Variants in FAM219B observed in about 807,000 individuals in gnomAD.
FAM219B encodes the protein family with sequence similarity 219 member B.
FAM219B carries 18 observed loss-of-function variants against 19.9 expected under a neutral mutation model. The ratio of observed to expected loss-of-function variants is 0.91; its 90% CI spans 0.63 to 1.34. The LOEUF (loss-of-function observed/expected upper bound fraction) is 1.34, where lower values mean the gene tolerates loss of function less well. Ranked by LOEUF, FAM219B falls within the 40% of genes most tolerant of loss-of-function variation. The pLI, the probability that FAM219B is intolerant of heterozygous loss-of-function variation, is 0.00. For synonymous variants in FAM219B, 123 were observed against 117.5 expected, an observed-to-expected ratio of 1.05 and a Z score of -0.30; for missense variants, 283 against 270.5, an observed-to-expected ratio of 1.05 and a Z score of -0.32.
In FAM219B at chr15:74,902,895, C is replaced by T. The variant is rs574359015; in HGVS notation, c.430-109G>A. 1.0e-5 allele frequency: 13 copies of T among 1,264,776 alleles called. No individual in the cohort carries two copies. The East Asian group carries it at 2.9e-4, about 28-fold the overall frequency. The allele number at this position is 1,264,776 out of a possible 1,614,324, so 78.3% of individuals were successfully genotyped here. On this transcript the variant is annotated intron_variant, in intron 4 of 4. Transcript: ENST00000357635. ...ACCAGGGCTTCCTGTCCATGTCCCA[C>T]CCCAGGCCAACCCCACACATCCCTG... is the stretch of plus-strand genomic sequence containing the variant.
At chr15:74,905,558 G>T in intron 2 of FAM219B, 1 of 267,488 alleles carries the variant, frequency 3.7e-6, no homozygotes. Flanking sequence ...TGAGTAGCTG[G>T]GACTACAGGC....
At position 74,905,199 on chromosome 15, in the gene FAM219B, A is replaced by C. The variant is rs774171213; in HGVS notation, c.335T>G (p.Leu112Arg). The change falls in exon 3 of 5, where the codon CTT becomes CGT. Residue 112 changes from leucine to arginine, a missense_variant. Physicochemically the swap from Leu to Arg is moderately radical, Grantham distance 102. Coordinates refer to ENST00000357635, the MANE Select transcript of FAM219B (RefSeq NM_020447.5). ...CAGGTTTTCATCTGGACTCTGGCTA[A>C]GAGCAGTATAGCCCTTGTTAAACTT... ...SVKFNKGYTA[L>R]SQSPDENLVS... The C allele has an allele frequency of 2.2e-5, 35 of 1,613,942 alleles. No individual in the cohort carries two copies. Among genetic ancestry groups the C allele is most frequent in the Non-Finnish European group, 2.6e-5 (31 of 1,179,956 alleles).
In FAM219B at chr15:74,905,243, C is replaced by CG. The variant is rs537315325; in HGVS notation, c.303-13dup. The CG allele has an allele frequency of 3.1e-5, 50 of 1,613,150 alleles. No homozygotes were observed. The South Asian group carries it at 5.2e-4, about 17-fold the overall frequency. ...TAAACTTCACTGACCTGAGGGGAGACGGGGGAGAAGAGACCAAACATAGAT... is the reference window on the plus strand; with the variant it reads ...TAAACTTCACTGACCTGAGGGGAGACGGGGGGAGAAGAGACCAAACATAGAT... On this transcript the variant is annotated splice_polypyrimidine_tract_variant and intron_variant, in intron 2 of 4. Coordinates refer to ENST00000357635, the MANE Select transcript of FAM219B (RefSeq NM_020447.5).
intron 3 of FAM219B, chr15:74,904,947 C>T (rs1408737209): frequency 6.5e-7 from 1 of 1,530,246 alleles, no homozygotes. Flanking sequence ...ATCCCCCGGA[C>T]ATTGGTGCTC....
intron 2 of FAM219B, chr15:74,905,848 C>G (rs1052523787): frequency 2.9e-5 from 5 of 169,734 alleles, no homozygotes; most frequent in Non-Finnish European, 6.4e-5. Context: ...TTAGGGTTAA[C>G]CTTCACTTCT....
intron 4 of FAM219B, 25 bp from the exon 5 acceptor site, chr15:74,902,811 A>G (rs1315643603): frequency 1.3e-6 from 2 of 1,586,146 alleles, no homozygotes; most frequent in African/African-American, 2.7e-5. Context: ...GGAGGGAACT[A>G]TAGGCCAAGA....
intron 4 of FAM219B, 147 bp downstream of exon 4, chr15:74,904,517 G>A (rs921916981): frequency 1.7e-5 from 16 of 944,380 alleles, no homozygotes; most frequent in Non-Finnish European, 2.2e-5. Context: ...TACCTCCACC[G>A]GGGGAAGAGG....
In FAM219B at chr15:74,906,332, C is replaced by G. The variant is rs1314064612; in HGVS notation, c.248G>C (p.Arg83Pro). 5 of 1,613,172 alleles carry G rather than the reference C, an allele frequency of 3.1e-6. No homozygotes were observed. The Admixed American group carries it at 6.7e-5, about 22-fold the overall frequency. ...KHRDLAKAVL[R>P]RKGMLGASPN... ...CGAGGCCCCCAGCATGCCTTTTCTC[C>G]GCAGAACGGCCTTGGCCAGGTCCCG... Residue 83 changes from arginine (R) to proline (P), a missense_variant, in exon 2 of 5, where the codon CGG becomes CCG. Physicochemically the swap from Arg to Pro is moderately radical, Grantham distance 103. Coordinates refer to ENST00000357635, the MANE Select transcript of FAM219B (RefSeq NM_020447.5).
chr15:74,902,296 A>G lies in FAM219B; in HGVS notation c.*323T>C. The G allele has an allele frequency of 2.5e-6, 1 of 402,194 alleles. No individual in the cohort carries two copies. Among genetic ancestry groups the G allele is most frequent in the Non-Finnish European group, 4.4e-6 (1 of 228,158 alleles). 24.9% of individuals were successfully genotyped at this position (402,194 alleles called of 1,614,324 possible). On this transcript the variant is annotated 3_prime_UTR_variant, in exon 5 of 5. Coordinates refer to ENST00000357635, the MANE Select transcript of FAM219B (RefSeq NM_020447.5). ...CTTTTTGCCTCCCTGAAGCACTATG[A>G]CAAATACCAATCAAGCTGTCTGCAA...
rs780494606 is a variant in FAM219B at position 74,905,142 on chromosome 15, G to A, written c.380+12C>T. 6.2e-7 allele frequency: 1 copy of A among 1,613,966 alleles called. No individual in the cohort carries two copies. Among genetic ancestry groups the A allele is most frequent in the South Asian group, 1.1e-5 (1 of 91,066 alleles). Reference sequence around the variant, plus strand: ...TGCTTCCCAAGGGGGTATTTCCAAGGGGAGCACTCACCTGTCAGAGTCGAG... The same window carrying A: ...TGCTTCCCAAGGGGGTATTTCCAAGAGGAGCACTCACCTGTCAGAGTCGAG... On this transcript the variant is annotated intron_variant, in intron 3 of 4. Coordinates refer to ENST00000357635, the MANE Select transcript of FAM219B (RefSeq NM_020447.5).
In FAM219B at chr15:74,904,732, G is replaced by A; in HGVS notation, c.381-20C>T. 2 of 1,614,202 alleles carry A rather than the reference G, an allele frequency of 1.2e-6. No individual in the cohort carries two copies. Among genetic ancestry groups the A allele is most frequent in the Non-Finnish European group, 1.7e-6 (2 of 1,180,010 alleles). On this transcript the variant is annotated intron_variant, in intron 3 of 4. Transcript: ENST00000357635. ...CCATCACTAGGAGAAGAGGAAAACA[G>A]TCAGTTCCGGGAGGTACCTGTGGTG...
chr15:74,897,990 C>T (rs955265137), downstream of FAM219B: 3 of 533,818 alleles, frequency 5.6e-6, no homozygotes, highest in African/African-American at 1.9e-5. Flanking sequence ...TACACCTGAG[C>T]CAGGCTCTTG....
At position 74,906,678 on chromosome 15, in the gene FAM219B, T is replaced by C; in HGVS notation, c.123A>G (p.Arg41=). The part of the protein sequence containing the change: ...AGPPSGQIGN[R]ALRLGERTPA... ...GGGTGCGCTCCCCCAGACGGAGGGC[T>C]CTATTACCGATCTGCCCGGAGGGTG... The change falls in exon 1 of 5, where the codon AGA becomes AGG. Residue 41 remains arginine (R), a synonymous_variant. Transcript: ENST00000357635. 6.7e-7 allele frequency: 1 copy of C among 1,487,138 alleles called. No homozygotes were observed. The highest frequency in any genetic ancestry group is 8.9e-7 in the Non-Finnish European group (1 of 1,123,178). 92.1% of individuals were successfully genotyped at this position (1,487,138 alleles called of 1,614,324 possible).
At position 74,906,338 on chromosome 15, in the gene FAM219B, A is replaced by C. The variant is rs1400448419; in HGVS notation, c.242T>G (p.Val81Gly). The part of the protein sequence containing the change: ...LQKHRDLAKA[V>G]LRRKGMLGAS... ...CCCCAGCATGCCTTTTCTCCGCAGAACGGCCTTGGCCAGGTCCCGGTGCTT... is the reference window on the plus strand; with the variant it reads ...CCCCAGCATGCCTTTTCTCCGCAGACCGGCCTTGGCCAGGTCCCGGTGCTT... Residue 81 changes from valine to glycine, a missense_variant, in exon 2 of 5, where the codon GTT (valine) becomes GGT (glycine). Val to Gly is a moderately radical substitution (Grantham distance 109). Coordinates refer to ENST00000357635, the MANE Select transcript of FAM219B (RefSeq NM_020447.5). 6.2e-7 allele frequency: 1 copy of C among 1,613,086 alleles called. No homozygotes were observed. The highest frequency in any genetic ancestry group is 1.7e-5 in the Admixed American group (1 of 59,956).
intron 3 of FAM219B, 57 bp from the exon 4 acceptor site, chr15:74,904,769 A>C: frequency 6.2e-7 from 1 of 1,606,766 alleles, no homozygotes. Flanking sequence ...ACAGCTGTAA[A>C]TCATCAGGCG....
At chr15:74,904,814 G>C in intron 3 of FAM219B, 102 bp from the exon 4 acceptor site, 2 of 1,517,642 alleles carry the variant, frequency 1.3e-6, no homozygotes, top group Non-Finnish European at 1.8e-6. Flanking sequence ...GACTTTTGAA[G>C]CAAAGGCCAC....
In FAM219B at chr15:74,901,803, A is replaced by T. The variant is rs1392594596; in HGVS notation, c.*816T>A. 6.9e-6 allele frequency: 2 copies of T among 287,996 alleles called. No individual in the cohort carries two copies. The highest frequency in any genetic ancestry group is 4.3e-5 in the African/African-American group (2 of 46,296). 17.8% of individuals were successfully genotyped at this position (287,996 alleles called of 1,614,324 possible). A position where few individuals can be genotyped will look rare whatever the true frequency, so the allele number is the denominator to read the frequency against. On this transcript the variant is annotated 3_prime_UTR_variant, in exon 5 of 5. Transcript: ENST00000357635. ...ATAAAAACTGCAGGCTTCTGGGGCC[A>T]GCCCCAGTACCTTCGACCTAATCTT...
chr15:74,906,207 C>G, intron 2 of FAM219B, 71 bp downstream of exon 2: 1 of 1,537,712 alleles, frequency 6.5e-7, no homozygotes, highest in South Asian at 1.2e-5. Flanking sequence ...ACCAGAGCAC[C>G]CTGCCTCCGT....
At chr15:74,906,462 C>G in intron 1 of FAM219B, 97 bp from the exon 2 acceptor site, 2 of 1,536,052 alleles carry the variant, frequency 1.3e-6, no homozygotes, top group Non-Finnish European at 1.8e-6. Context: ...TTTTGAGGGG[C>G]GAGAGCAGGC....
Sources: gnomAD v4.1 joint callset for allele counts on GRCh38, gnomAD v4.1.1 for gene constraint, MANE v1.5 for transcripts, NCBI Gene and HGNC (gene_info 2026-07-23, HGNC 2026-07-21) for gene names.